Variants in TENT5D observed in about 807,000 individuals in gnomAD.
TENT5D encodes cancer/testis antigen 112.
For missense variants in TENT5D, 191 were observed against 287.0 expected, an observed-to-expected ratio of 0.67 and a Z score of 2.42; for synonymous variants, 103 against 100.6, an observed-to-expected ratio of 1.02 and a Z score of -0.15.
At chrX:80,402,594 T>A (rs2147546374) in intron 3 of TENT5D, among the ~76,000 whole-genome samples, 1 of 112,301 alleles carries the variant, frequency 8.9e-6, no homozygotes, top group East Asian at 2.8e-4. Flanking sequence ...ATATTTCCAT[T>A]TTCATTTGTC....
At chrX:80,404,205 C>A (rs1292907922) in intron 3 of TENT5D, among the ~76,000 whole-genome samples, 1 of 111,584 alleles carries the variant, frequency 9.0e-6, no homozygotes, top group Non-Finnish European at 1.9e-5. Context: ...TAAAATAAGT[C>A]ATTCATTTAG....
At chrX:80,416,120 T>A (rs1181007244), upstream of TENT5D, among the ~76,000 whole-genome samples, 3 of 110,217 alleles carry the variant, frequency 2.7e-5, no homozygotes, top group Non-Finnish European at 5.7e-5. Flanking sequence ...TGTATTTCTG[T>A]TGGGTCAGTG....
At chrX:80,341,901 C>T (rs779380426) in intron 2 of TENT5D, among the ~76,000 whole-genome samples, 6 of 106,294 alleles carry the variant, frequency 5.6e-5, no homozygotes, top group South Asian at 4.3e-4. Flanking sequence ...TTAGTAGAGA[C>T]GGGGTTTCAC....
At chrX:80,432,366 T>C (rs754481046) in intron 1 of TENT5D, among the ~76,000 whole-genome samples, 1 of 110,898 alleles carries the variant, frequency 9.0e-6, no homozygotes, top group Non-Finnish European at 1.9e-5. Context: ...GAAAGGAAAC[T>C]GGATTGGAAC....
chrX:80,396,650 C>T (rs1027588233), intron 3 of TENT5D, among the ~76,000 whole-genome samples: 13 of 108,125 alleles, frequency 1.2e-4, no homozygotes, highest in Non-Finnish European at 2.3e-4. Flanking sequence ...CAGAACAAAA[C>T]GAAAAGTCTC....
chrX:80,338,017 G>A (rs934012824), intron 2 of TENT5D, among the ~76,000 whole-genome samples: 3 of 111,712 alleles, frequency 2.7e-5, no homozygotes, highest in Admixed American at 1.9e-4. Context: ...CACCTGCGTC[G>A]GCCTCCCAAA....
At chrX:80,426,904 G>C in intron 1 of TENT5D, among the ~76,000 whole-genome samples, 1 of 111,423 alleles carries the variant, frequency 9.0e-6, no homozygotes, top group Non-Finnish European at 1.9e-5. Flanking sequence ...ACTGAATCAT[G>C]GGGGCTGGTC....
chrX:80,381,644 C>T (rs951094835), intron 3 of TENT5D, among the ~76,000 whole-genome samples: 3 of 111,865 alleles, frequency 2.7e-5, no homozygotes, highest in African/African-American at 9.8e-5. Flanking sequence ...TTCTTGGATG[C>T]TTTGTTCATT....
chrX:80,348,442 G>T (rs1358978942), intron 3 of TENT5D, among the ~76,000 whole-genome samples: 1 of 111,603 alleles, frequency 9.0e-6, no homozygotes, highest in Non-Finnish European at 1.9e-5. Context: ...GTGAATGGGA[G>T]TTCACTCATG....
chrX:80,417,208 T>C (rs2147557441), upstream of TENT5D, among the ~76,000 whole-genome samples: 1 of 111,527 alleles, frequency 9.0e-6, no homozygotes, highest in Non-Finnish European at 1.9e-5. Context: ...ATATGTGAGA[T>C]TGGTCTCTTG....
exon 3 of TENT5D, chrX:80,443,747 A>G (rs1387320956): frequency 9.5e-7 from 1 of 1,047,836 alleles, no homozygotes; most frequent in African/African-American, 1.9e-5. Context: ...TGATTTAATT[A>G]AACACCATTT....
At chrX:80,354,346 GT>G (rs1313097306) in intron 3 of TENT5D, among the ~76,000 whole-genome samples, 1 of 111,303 alleles carries the variant, frequency 9.0e-6, no homozygotes, top group East Asian at 2.8e-4. Context: ...TGAATCATAG[GT>G]TTGGTCTCTT....
intron 3 of TENT5D, among the ~76,000 whole-genome samples, chrX:80,402,009 G>C (rs1931397971): frequency 8.9e-6 from 1 of 111,822 alleles, no homozygotes; most frequent in East Asian, 2.8e-4. Flanking sequence ...AAATTCAACA[G>C]TGAAACCATC....
At chrX:80,377,966 T>A (rs1463310678) in intron 3 of TENT5D, among the ~76,000 whole-genome samples, 4 of 112,098 alleles carry the variant, frequency 3.6e-5, no homozygotes, top group Admixed American at 1.9e-4. Context: ...TGGTTTTGAT[T>A]TACATGTCTC....
At chrX:80,396,902 G>A (rs1310908878) in intron 3 of TENT5D, among the ~76,000 whole-genome samples, 8 of 88,321 alleles carry the variant, frequency 9.1e-5, no homozygotes, top group East Asian at 3.9e-4. Context: ...CGGGCGGGGG[G>A]CTGACCCCCC....
At chrX:80,417,235 G>T (rs1033455947), upstream of TENT5D, among the ~76,000 whole-genome samples, 49 of 110,938 alleles carry the variant, frequency 4.4e-4, no homozygotes, top group African/African-American at 1.5e-3. Flanking sequence ...GCATACCATT[G>T]GATCTTGTTT....
chrX:80,397,327 C>G (rs1462571065), intron 3 of TENT5D, among the ~76,000 whole-genome samples: 1 of 99,988 alleles, frequency 1.0e-5, no homozygotes, highest in Non-Finnish European at 2.0e-5. Context: ...ACATCTCAGA[C>G]GATGGGCGGC....
intron 3 of TENT5D, among the ~76,000 whole-genome samples, chrX:80,371,591 C>T: frequency 8.9e-6 from 1 of 112,307 alleles, no homozygotes; most frequent in East Asian, 2.8e-4. Flanking sequence ...CGCAGCTTCT[C>T]CTTCAGCACT....
chrX:80,429,948 T>C (rs1487734436), intron 1 of TENT5D, among the ~76,000 whole-genome samples: 2 of 111,051 alleles, frequency 1.8e-5, no homozygotes, highest in African/African-American at 3.3e-5. Context: ...GTAATTAAGA[T>C]GTTTGGTTCT....
Sources: gnomAD v4.1 joint callset for allele counts (sites outside exome capture counted in the v4.1 genomes callset) on GRCh38, gnomAD v4.1.1 for gene constraint, MANE v1.5 for transcripts, NCBI Gene and HGNC (gene_info 2026-07-23, HGNC 2026-07-21) for gene names.